Variants in CTNNA2 observed in about 807,000 individuals in gnomAD.
CTNNA2 encodes catenin alpha-2.
Under a neutral mutation model 101.0 loss-of-function variants are expected in CTNNA2, and 42 were observed. The ratio of observed to expected loss-of-function variants is 0.42; its 90% confidence interval spans 0.32 to 0.54. The LOEUF (loss-of-function observed/expected upper bound fraction) is 0.54, where lower values mean the gene tolerates loss of function less well. Ranked by LOEUF, CTNNA2 falls within the 20% of genes least tolerant of loss-of-function variation. The probability of loss-of-function intolerance (pLI) is 0.14; values close to 1 mark genes in which losing one functional copy is unlikely to be tolerated. For missense variants in CTNNA2, 871 were observed against 1,223.1 expected (o/e 0.71, Z 4.29); for synonymous variants, 450 against 456.4 (o/e 0.99, Z 0.18).
At chr2:79,853,930 A>T (rs1359564818) in intron 3 of CTNNA2, among the ~76,000 whole-genome samples, 1 of 142,134 alleles carries the variant, frequency 7.0e-6, no homozygotes, top group Non-Finnish European at 1.6e-5. Context: ...TGCCTTCCAA[A>T]GTGCTGGGAT....
At chr2:80,172,255 A>G (rs934300494) in intron 7 of CTNNA2, among the ~76,000 whole-genome samples, 4 of 152,188 alleles carry the variant, frequency 2.6e-5, no homozygotes, top group Non-Finnish European at 5.9e-5. Context: ...ATGCTTGTAT[A>G]TGAACTGCCT....
chr2:80,128,663 C>G (rs1702258721), intron 7 of CTNNA2, among the ~76,000 whole-genome samples: 1 of 152,104 alleles, frequency 6.6e-6, no homozygotes, highest in Non-Finnish European at 1.5e-5. Context: ...GACAATGTGC[C>G]AAGTACAAAT....
intron 7 of CTNNA2, among the ~76,000 whole-genome samples, chr2:80,388,519 G>A (rs1677219573): frequency 6.6e-6 from 1 of 152,116 alleles, no homozygotes; most frequent in African/African-American, 2.4e-5. Context: ...GTGCTTGATG[G>A]TTTTTCTGCT....
chr2:79,578,005 T>C (rs1187482703), intron 1 of CTNNA2, among the ~76,000 whole-genome samples: 3 of 152,110 alleles, frequency 2.0e-5, no homozygotes, highest in African/African-American at 7.2e-5. Flanking sequence ...TGGTTGTCAC[T>C]GCCTTCAATA....
chr2:80,222,411 A>G (rs1428408805), intron 7 of CTNNA2, among the ~76,000 whole-genome samples: 1 of 152,056 alleles, frequency 6.6e-6, no homozygotes, highest in Non-Finnish European at 1.5e-5. Context: ...ATATTTGCAA[A>G]TCTTATATAA....
At chr2:79,846,453 G>C (rs1400663314) in intron 3 of CTNNA2, among the ~76,000 whole-genome samples, 1 of 152,142 alleles carries the variant, frequency 6.6e-6, no homozygotes, top group African/African-American at 2.4e-5. Context: ...TATTATTCAA[G>C]TATTATTCAG....
intron 6 of CTNNA2, among the ~76,000 whole-genome samples, chr2:79,901,226 T>TTA (rs1685051065): frequency 6.6e-6 from 1 of 151,406 alleles, no homozygotes; most frequent in Admixed American, 6.6e-5. Context: ...TTTTTTTTTT[T>TTA]AAGATTTAAA....
chr2:80,155,377 A>C (rs1341142942), intron 7 of CTNNA2, among the ~76,000 whole-genome samples: 1 of 152,202 alleles, frequency 6.6e-6, no homozygotes, highest in African/African-American at 2.4e-5. Context: ...CCACATGATC[A>C]AGCCTAACTT....
intron 8 of CTNNA2, among the ~76,000 whole-genome samples, chr2:80,406,335 GAA>G (rs71669400): frequency 0.05 from 6,539 of 129,598 alleles, 496 homozygotes; most frequent in African/African-American, 0.16. Context: ...ACTCCTTCTC[GAA>G]AAAAAAAAAA....
At chr2:79,501,089 A>T (rs1471351098) in intron 4 of CTNNA2, among the ~76,000 whole-genome samples, 3 of 151,854 alleles carry the variant, frequency 2.0e-5, no homozygotes, top group African/African-American at 7.3e-5. Flanking sequence ...ACAATAAGGT[A>T]CTCTCCTTTG....
At chr2:80,229,993 GA>G (rs889943675) in intron 7 of CTNNA2, among the ~76,000 whole-genome samples, 10 of 151,890 alleles carry the variant, frequency 6.6e-5, no homozygotes, top group African/African-American at 2.2e-4. Flanking sequence ...TTTATTTTTA[GA>G]TATAAAAGTA....
chr2:80,598,785 T>C (rs1697211692), intron 15 of CTNNA2, among the ~76,000 whole-genome samples: 1 of 152,222 alleles, frequency 6.6e-6, no homozygotes, highest in African/African-American at 2.4e-5. Flanking sequence ...AAATATTTCA[T>C]ACTGTATGAT....
intron 4 of CTNNA2, among the ~76,000 whole-genome samples, chr2:79,435,900 C>T (rs1285971106): frequency 2.0e-5 from 3 of 152,170 alleles, no homozygotes; most frequent in Non-Finnish European, 4.4e-5. Flanking sequence ...CAGAACATTT[C>T]TTAGATACTA....
chr2:80,172,005 A>G (rs892637452), intron 7 of CTNNA2, among the ~76,000 whole-genome samples: 1 of 152,156 alleles, frequency 6.6e-6, no homozygotes, highest in African/African-American at 2.4e-5. Context: ...GCAAAGAGGA[A>G]GTATTATGAG....
chr2:80,189,013 C>T (rs1706305172), intron 7 of CTNNA2, among the ~76,000 whole-genome samples: 1 of 134,148 alleles, frequency 7.5e-6, no homozygotes, highest in African/African-American at 2.9e-5. Context: ...AGTACAGTGG[C>T]ATGATCTCAG....
chr2:79,982,149 C>T (rs1190506755), intron 7 of CTNNA2, among the ~76,000 whole-genome samples: 1 of 139,420 alleles, frequency 7.2e-6, no homozygotes, highest in Non-Finnish European at 1.5e-5. Flanking sequence ...AGAGATTCTC[C>T]CACCTCAGCC....
At chr2:79,318,545 A>G (rs1676549597) in intron 3 of CTNNA2, among the ~76,000 whole-genome samples, 1 of 152,168 alleles carries the variant, frequency 6.6e-6, no homozygotes, top group Non-Finnish European at 1.5e-5. Context: ...ATATATCATT[A>G]TTATGTGCTT....
At chr2:79,419,489 AGAG>A (rs1383181716) in intron 4 of CTNNA2, among the ~76,000 whole-genome samples, 2 of 152,274 alleles carry the variant, frequency 1.3e-5, no homozygotes, top group African/African-American at 4.8e-5. Context: ...TTATAGGAGG[AGAG>A]GATGAGAAGG....
intron 4 of CTNNA2, among the ~76,000 whole-genome samples, chr2:79,484,626 G>A (rs1406411605): frequency 1.3e-5 from 2 of 152,164 alleles, no homozygotes; most frequent in African/African-American, 4.8e-5. Context: ...TGCTTGAGAT[G>A]AAAGATGGAC....
Sources: gnomAD v4.1 joint callset for allele counts (sites outside exome capture counted in the v4.1 genomes callset) on GRCh38, gnomAD v4.1.1 for gene constraint, MANE v1.5 for transcripts, NCBI Gene and HGNC (gene_info 2026-07-23, HGNC 2026-07-21) for gene names.